The following RBPMS variants were observed in gnomAD, a reference collection of about 807,000 sequenced individuals.
RBPMS encodes RNA-binding protein with multiple splicing.
RBPMS carries 7 observed loss-of-function variants against 26.8 expected under a neutral mutation model. The ratio of observed to expected loss-of-function variants is 0.26; its 90% CI spans 0.15 to 0.49. The LOEUF (loss-of-function observed/expected upper bound fraction) is 0.49, where lower values mean the gene tolerates loss of function less well. Among genes scored for constraint, RBPMS ranks in the 20% least tolerant of loss-of-function variants. RBPMS has a pLI of 0.98. For synonymous variants in RBPMS, 96 were observed against 93.3 expected (o/e 1.03, Z -0.17); for missense variants, 186 against 250.0 (o/e 0.74, Z 1.73).
At chr8:30,472,193 C>T (rs1234882921) in intron 1 of RBPMS, among the ~76,000 whole-genome samples, 2 of 152,096 alleles carry the variant, frequency 1.3e-5, no homozygotes, top group Non-Finnish European at 2.9e-5. Context: ...GTGGTGTATC[C>T]ACACTACAGA....
In RBPMS at chr8:30,384,904, G is replaced by C. The variant is rs890671437; in HGVS notation, c.-189G>C. ...TGAGTCGCCCGCCGCCGCCGTCGCA[G>C]ACTCGCCGCGGGAGCCCCAGCCCAA... On this transcript the variant is annotated 5_prime_UTR_variant, in exon 1 of 9. Transcript: ENST00000397323. This position sits in a 1 kb window ranked among gnomAD's most constrained non-coding sequence, Gnocchi z 5.6. 2.7e-6 allele frequency: 1 copy of C among 368,890 alleles called. No individual in the cohort carries two copies. The highest frequency in any genetic ancestry group is 2.2e-5 in the African/African-American group (1 of 46,422). The allele number at this position is 368,890 out of a possible 1,614,324, so 22.9% of individuals were successfully genotyped here.
intron 1 of RBPMS, among the ~76,000 whole-genome samples, chr8:30,427,196 AT>A (rs2150650305): frequency 6.6e-6 from 1 of 152,250 alleles, no homozygotes; most frequent in South Asian, 2.1e-4. Flanking sequence ...GTACCCCAGA[AT>A]TATTTGCATT....
intron 1 of RBPMS, among the ~76,000 whole-genome samples, chr8:30,421,810 C>T (rs999221909): frequency 1.3e-5 from 2 of 151,974 alleles, no homozygotes; most frequent in Non-Finnish European, 1.5e-5. Flanking sequence ...CAAAAATTAG[C>T]TGGGTGTGGT....
chr8:30,513,462 G>A (rs1356744967), intron 5 of RBPMS, among the ~76,000 whole-genome samples: 5 of 151,532 alleles, frequency 3.3e-5, no homozygotes, highest in Admixed American at 6.6e-5. Flanking sequence ...GGTGGCAGGC[G>A]CCTGTGGTCC....
intron 1 of RBPMS, among the ~76,000 whole-genome samples, chr8:30,462,769 A>G (rs1370489083): frequency 1.3e-5 from 2 of 152,082 alleles, no homozygotes; most frequent in African/African-American, 4.8e-5. Context: ...CAAAAATGGA[A>G]TATAAAGAGA....
At chr8:30,538,157 C>T (rs940796779) in intron 5 of RBPMS, among the ~76,000 whole-genome samples, 2 of 152,208 alleles carry the variant, frequency 1.3e-5, no homozygotes, top group Admixed American at 6.5e-5. Context: ...CTCCTCATGA[C>T]TGCAGCACGT....
At chr8:30,412,563 T>C (rs545254540) in intron 1 of RBPMS, among the ~76,000 whole-genome samples, 2 of 152,284 alleles carry the variant, frequency 1.3e-5, no homozygotes, top group Admixed American at 6.5e-5. Flanking sequence ...AAACCAATTA[T>C]AGTAAAATCC....
At chr8:30,557,565 A>AC (rs1015903411) in intron 6 of RBPMS, among the ~76,000 whole-genome samples, 2 of 151,564 alleles carry the variant, frequency 1.3e-5, no homozygotes, top group South Asian at 2.1e-4. Flanking sequence ...TGCCTCCCAG[A>AC]CCCCCCTGCA....
chr8:30,429,240 C>A (rs566830335), intron 1 of RBPMS, among the ~76,000 whole-genome samples: 2 of 152,142 alleles, frequency 1.3e-5, no homozygotes, highest in Non-Finnish European at 2.9e-5. Context: ...TTTGTCATCA[C>A]GTGGATGGCC....
intron 1 of RBPMS, among the ~76,000 whole-genome samples, chr8:30,458,404 T>C (rs927254906): frequency 2.0e-5 from 3 of 152,162 alleles, no homozygotes; most frequent in East Asian, 3.9e-4. Context: ...GGTTTTGTTA[T>C]CCTTCCTATT....
At chr8:30,485,984 TGAA>T (rs2150868383) in intron 4 of RBPMS, among the ~76,000 whole-genome samples, 1 of 152,354 alleles carries the variant, frequency 6.6e-6, no homozygotes, top group African/African-American at 2.4e-5. Context: ...AGTCTTTGCC[TGAA>T]GAAGAGTAAG....
At position 30,409,684 on chromosome 8, in the gene RBPMS, G is replaced by C. The variant is rs558833455; in HGVS notation, c.66+24526G>C. On this transcript the variant is annotated intron_variant, in intron 1 of 8. Transcript: ENST00000397323. ...AGTCTCGCTCTGTTGCCAGGCTGGA[G>C]TGCAGTGGCGCGATCTCGGCTCACC... Among the ~76,000 whole-genome samples, 11 of 152,222 alleles carry C rather than the reference G, an allele frequency of 7.2e-5. No individual in the cohort carries two copies. The South Asian group carries it at 2.3e-3, about 32-fold the overall frequency.
At chr8:30,411,549 C>A (rs1809397892) in intron 1 of RBPMS, among the ~76,000 whole-genome samples, 1 of 151,382 alleles carries the variant, frequency 6.6e-6, no homozygotes, top group Admixed American at 6.6e-5. Context: ...CCTATAGTCT[C>A]AGCTACTTGG....
At chr8:30,421,961 GAAAAAAGA>G (rs1408337120) in intron 1 of RBPMS, among the ~76,000 whole-genome samples, 3 of 8,104 alleles carry the variant, frequency 3.7e-4, no homozygotes, top group Non-Finnish European at 6.7e-4. Flanking sequence ...TCTCAAAAAA[GAAAAAAGA>G]AAAAAAAAGC....
intron 5 of RBPMS, among the ~76,000 whole-genome samples, chr8:30,509,929 C>G (rs1821410024): frequency 6.6e-6 from 1 of 152,162 alleles, no homozygotes; most frequent in Non-Finnish European, 1.5e-5. Flanking sequence ...AGACAATCAC[C>G]ATTAACAATT....
chr8:30,439,327 C>T (rs1204105779), intron 1 of RBPMS, among the ~76,000 whole-genome samples: 3 of 152,154 alleles, frequency 2.0e-5, no homozygotes, highest in African/African-American at 7.2e-5. Context: ...TTCCATGTTT[C>T]TTGGCAGATC....
chr8:30,444,141 C>T (rs924577187), intron 1 of RBPMS, among the ~76,000 whole-genome samples: 7 of 152,136 alleles, frequency 4.6e-5, no homozygotes, highest in Non-Finnish European at 7.4e-5. Context: ...AGTGATCCTC[C>T]GGCCTTGGCC....
intron 1 of RBPMS, among the ~76,000 whole-genome samples, chr8:30,389,419 G>A (rs541699739): frequency 5.9e-5 from 9 of 152,274 alleles, no homozygotes; most frequent in South Asian, 2.1e-4. Context: ...CATGATTTTC[G>A]TAGGTTCATG....
intron 5 of RBPMS, among the ~76,000 whole-genome samples, chr8:30,537,875 G>A (rs12674521): frequency 0.037 from 5,565 of 152,268 alleles, 172 homozygotes; most frequent in East Asian, 0.13. Flanking sequence ...CAATTGTTTG[G>A]ACATGGGAAG....
Sources: allele counts gnomAD v4.1 joint callset (sites outside exome capture counted in the v4.1 genomes callset), GRCh38; gene constraint gnomAD v4.1.1; non-coding constraint Gnocchi (gnomAD v3.1); transcripts MANE v1.5; gene names NCBI Gene and HGNC (gene_info 2026-07-23, HGNC 2026-07-21).